Variants in PRR12 observed in about 807,000 individuals in gnomAD.
PRR12 encodes the protein proline-rich protein 12.
A neutral mutation model predicts 138.0 loss-of-function variants in PRR12; 12 were observed. The observed-to-expected ratio is 0.09, with a 90% CI of 0.06 to 0.14. The LOEUF (loss-of-function observed/expected upper bound fraction) is 0.14. Among genes scored for constraint, PRR12 ranks in the 10% least tolerant of loss-of-function variants. PRR12 has a pLI of 1.00. For missense variants in PRR12, 2,692 were observed against 2,861.3 expected (o/e 0.94, Z 1.35); for synonymous variants, 1,567 against 1,291.7 (o/e 1.21, Z -4.57).
chr19:49,599,931 C>G lies in PRR12; in HGVS notation c.4338C>G (p.Gly1446=), dbSNP rs779696086. ...LPGLPSANSN[G]TPEPPLLEEK... ...GGCTCCCCAGTGCCAACAGCAATGG[C>G]ACTCCCGGTGAGCTCTGGGCAGGTG... is the stretch of plus-strand genomic sequence containing the variant. Residue 1446 remains glycine (G), a synonymous_variant, in exon 5 of 14, where the codon GGC becomes GGG. Transcript: ENST00000418929. The surrounding 1 kb of genome is among the most constrained non-coding windows in gnomAD (Gnocchi z 5.0). 7 of 1,600,930 alleles carry G rather than the reference C, an allele frequency of 4.4e-6. No individual in the cohort carries two copies. In the African/African-American group the frequency reaches 6.7e-5, roughly 15 times the overall value.
In PRR12 at chr19:49,595,948, C is replaced by G; in HGVS notation, c.1613C>G (p.Ser538Cys). Residue 538 changes from serine (S) to cysteine (C), a missense_variant, in exon 4 of 14, where the codon TCC (serine) becomes TGC (cysteine). Around this residue, in one of 11 missense-constraint regions of PRR12, gnomAD observed 523 missense variants for 496.4 expected, o/e 1.05. Transcript: ENST00000418929. ...SPSLSYSTGH[S>C]PALSGHGGGW... ...TCGCTCAGCTACAGTACCGGCCATT[C>G]CCCAGCGCTCTCGGGCCATGGGGGT... 6.2e-7 allele frequency: 1 copy of G among 1,600,988 alleles called. No homozygotes were observed.
chr19:49,609,461 C>T (rs1202263139), intron 6 of PRR12, among the ~76,000 whole-genome samples: 1 of 151,968 alleles, frequency 6.6e-6, no homozygotes, highest in African/African-American at 2.4e-5. Flanking sequence ...ATTAGCCGGA[C>T]ATGGTGGCGG....
At chr19:49,618,528 TAG>T (rs1179634253) in intron 9 of PRR12, among the ~76,000 whole-genome samples, 1 of 151,984 alleles carries the variant, frequency 6.6e-6, no homozygotes. Flanking sequence ...GCTGGGACTA[TAG>T]ATGTGTGCCA....
In PRR12 at chr19:49,596,144, G is replaced by A. The variant is rs113425094; in HGVS notation, c.1809G>A (p.Pro603=). 1,602 of 1,606,564 alleles carry A rather than the reference G, an allele frequency of 1.0e-3. 17 individuals are homozygous for A. The African/African-American group carries it at 0.019, about 19-fold the overall frequency. Residue 603 remains proline, a synonymous_variant, in exon 4 of 14, where the codon CCG becomes CCA. Coordinates refer to ENST00000418929, the MANE Select transcript of PRR12 (RefSeq NM_020719.3). The surrounding 1 kb of genome is among the most constrained non-coding windows in gnomAD (Gnocchi z 5.6). ...VLASAPFLAP[P]GAGSYAAGAG... is the part of the protein sequence containing the mutation. ...CCTCAGCGCCTTTCCTGGCACCTCC[G>A]GGAGCTGGCAGCTATGCAGCCGGAG...
At position 49,615,479 on chromosome 19, in the gene PRR12, C is replaced by T. The variant is rs141195598; in HGVS notation, c.5025-268C>T. The stretch of plus-strand genomic sequence containing the variant: ...CCCAGAGAGGGAGGGGAATAGAGAC[C>T]CAGAGAGGGAGGGGGTCAGAGACCC... On this transcript the variant is annotated intron_variant, in intron 8 of 13. Coordinates refer to ENST00000418929, the MANE Select transcript of PRR12 (RefSeq NM_020719.3). Among the ~76,000 whole-genome samples the T allele has an allele frequency of 2.7e-4, 39 of 145,044 alleles. No individual in the cohort carries two copies. The East Asian group carries it at 7.9e-3, about 30-fold the overall frequency.
At position 49,597,700 on chromosome 19, in the gene PRR12, C is replaced by G. The variant is rs775645359; in HGVS notation, c.3365C>G (p.Pro1122Arg). 3 of 1,606,470 alleles carry G rather than the reference C, an allele frequency of 1.9e-6. No homozygotes were observed. The highest frequency in any genetic ancestry group is 2.5e-6 in the Non-Finnish European group (3 of 1,177,722). ...ATCCGCCTCAACCCCCGGCGCTTGC[C>G]TGACCTGGTCTCCAGCTGCCGCTCC... ...ADIRLNPRRLPDLVSSCRSRP... is the reference protein window; with the variant it reads ...ADIRLNPRRLRDLVSSCRSRP... The change falls in exon 4 of 14, where the codon CCT becomes CGT. Residue 1122 changes from proline to arginine, a missense_variant. Coordinates refer to ENST00000418929, the MANE Select transcript of PRR12 (RefSeq NM_020719.3). The surrounding 1 kb of genome is among the most constrained non-coding windows in gnomAD (Gnocchi z 6.3).
At position 49,614,710 on chromosome 19, in the gene PRR12, G is replaced by A. The variant is rs1433559464; in HGVS notation, c.4890+61G>A. On this transcript the variant is annotated intron_variant, in intron 7 of 13. Coordinates refer to ENST00000418929, the MANE Select transcript of PRR12 (RefSeq NM_020719.3). This position sits in a 1 kb window ranked among gnomAD's most constrained non-coding sequence, Gnocchi z 5.0. The stretch of plus-strand genomic sequence containing the variant: ...CCGGGGCGTGGTATCTAGGAGCTGG[G>A]GTTCCCCTTAGTGTGGCTGTGACTC... 6.7e-7 allele frequency: 1 copy of A among 1,497,718 alleles called. No individual in the cohort carries two copies. Among genetic ancestry groups the A allele is most frequent in the Non-Finnish European group, 9.1e-7 (1 of 1,102,636 alleles). The allele number at this position is 1,497,718 out of a possible 1,614,324, so 92.8% of individuals were successfully genotyped here. A position where few individuals can be genotyped will look rare whatever the true frequency, so the allele number is the denominator to read the frequency against.
intron 6 of PRR12, among the ~76,000 whole-genome samples, chr19:49,608,051 T>A (rs185743093): frequency 2.6e-3 from 395 of 152,268 alleles, no homozygotes; most frequent in African/African-American, 9.0e-3. Flanking sequence ...GTTAATGATG[T>A]TTTAATATTA....
intron 11 of PRR12, among the ~76,000 whole-genome samples, chr19:49,624,531 T>C (rs191223459): frequency 9.8e-4 from 146 of 149,480 alleles, no homozygotes; most frequent in African/African-American, 3.4e-3. Flanking sequence ...CTGGGATAGA[T>C]GGTTAGGATG....
chr19:49,604,986 G>T (rs1433259985), intron 6 of PRR12, among the ~76,000 whole-genome samples: 1 of 152,074 alleles, frequency 6.6e-6, no homozygotes, highest in South Asian at 2.1e-4. Flanking sequence ...CGAGTAGCTG[G>T]GACTACAGAG....
In PRR12 at chr19:49,596,296, G is replaced by A. The variant is rs761195066; in HGVS notation, c.1961G>A (p.Arg654Gln). ...QHLLQAPSPP[R>Q]TSGADGLVGE... ...CTCTTGCAGGCGCCCAGCCCTCCTC[G>A]GACCTCAGGGGCGGACGGCTTGGTG... Residue 654 changes from arginine (R) to glutamine (Q), a missense_variant, in exon 4 of 14, where the codon CGG becomes CAG. Arg to Gln is a conservative substitution (Grantham distance 43). Coordinates refer to ENST00000418929, the MANE Select transcript of PRR12 (RefSeq NM_020719.3). The surrounding 1 kb of genome is among the most constrained non-coding windows in gnomAD (Gnocchi z 5.6). 3.5e-5 allele frequency: 57 copies of A among 1,611,248 alleles called. No individual in the cohort carries two copies. The Admixed American group carries it at 6.7e-4, about 19-fold the overall frequency.
intron 1 of PRR12, 114 bp from the exon 2 acceptor site, chr19:49,593,213 A>G: frequency 2.2e-6 from 1 of 450,814 alleles, no homozygotes; most frequent in Non-Finnish European, 4.0e-6. Context: ...TTAGCTTAAC[A>G]CCCCCCACCC....
At chr19:49,612,583 G>A (rs1295759821) in intron 6 of PRR12, among the ~76,000 whole-genome samples, 3 of 152,088 alleles carry the variant, frequency 2.0e-5, no homozygotes, top group Non-Finnish European at 4.4e-5. Flanking sequence ...TTCCTGAGAG[G>A]TCACCAACAC....
At chr19:49,604,936 C>A (rs967842773) in intron 6 of PRR12, among the ~76,000 whole-genome samples, 1 of 152,062 alleles carries the variant, frequency 6.6e-6, no homozygotes, top group Non-Finnish European at 1.5e-5. Context: ...ACTGCAACTT[C>A]TACCTCCCTG....
chr19:49,625,428 C>T lies in PRR12; in HGVS notation c.5965-33C>T. The T allele has an allele frequency of 6.4e-7, 1 of 1,563,206 alleles. No individual in the cohort carries two copies. The highest frequency in any genetic ancestry group is 8.6e-7 in the Non-Finnish European group (1 of 1,158,562). On this transcript the variant is annotated intron_variant, in intron 13 of 13. Coordinates refer to ENST00000418929, the MANE Select transcript of PRR12 (RefSeq NM_020719.3). This position sits in a 1 kb window ranked among gnomAD's most constrained non-coding sequence, Gnocchi z 5.5. Reference sequence around the variant, plus strand: ...CTTCCCTCCCCAGAGGCCGGTGTGCCACCCTCCCCAGTGCCATGTTTGACC... The same window carrying T: ...CTTCCCTCCCCAGAGGCCGGTGTGCTACCCTCCCCAGTGCCATGTTTGACC...
rs911303699 is a variant in PRR12, at chr19:49,625,886, C to T, written c.*279C>T. 2 of 264,436 alleles carry T rather than the reference C, an allele frequency of 7.6e-6. No homozygotes were observed. The highest frequency in any genetic ancestry group is 5.3e-5 in the Admixed American group (1 of 18,710). The allele number at this position is 264,436 out of a possible 1,614,324, so 16.4% of individuals were successfully genotyped here. A position where few individuals can be genotyped will look rare whatever the true frequency, so the allele number is the denominator to read the frequency against. On this transcript the variant is annotated 3_prime_UTR_variant, in exon 14 of 14. Transcript: ENST00000418929. This position sits in a 1 kb window ranked among gnomAD's most constrained non-coding sequence, Gnocchi z 5.5. ...TATTTAGTAACGGTTTCCCTCTCCCCTTGCCCCGACCCCCCCTCCACAGCC... is the reference window on the plus strand; with the variant it reads ...TATTTAGTAACGGTTTCCCTCTCCCTTTGCCCCGACCCCCCCTCCACAGCC...
rs1460243361 is a variant in PRR12, at chr19:49,597,542, A to G, written c.3207A>G (p.Pro1069=). The G allele has an allele frequency of 6.3e-7, 1 of 1,578,212 alleles. No homozygotes were observed. Among genetic ancestry groups the G allele is most frequent in the Non-Finnish European group, 8.6e-7 (1 of 1,164,420 alleles). ...CGCCCATCTTCTGCTCTACCAAGCC[A>G]AAGAAGCTGCTCAAGACATCCTCCT... The part of the protein sequence containing the change: ...LTSPIFCSTK[P]KKLLKTSSFH... The change falls in exon 4 of 14, where the codon CCA becomes CCG. Residue 1069 remains proline (P), a synonymous_variant. Transcript: ENST00000418929. This position sits in a 1 kb window ranked among gnomAD's most constrained non-coding sequence, Gnocchi z 6.3.
rs1016076753 is a variant in PRR12, at chr19:49,596,504, G to T, written c.2169G>T (p.Gly723=). The change falls in exon 4 of 14, where the codon GGG becomes GGT. Residue 723 remains glycine, a synonymous_variant. Transcript: ENST00000418929. The surrounding 1 kb of genome is among the most constrained non-coding windows in gnomAD (Gnocchi z 5.6). The part of the protein sequence containing the change: ...GATAALELGL[G]RLKEKKKGPE... ...CTGCGGCACTGGAGCTGGGCCTGGG[G>T]AGGCTGAAGGAGAAGAAGAAAGGGC... 1 of 1,609,826 alleles carries T rather than the reference G, an allele frequency of 6.2e-7. No individual in the cohort carries two copies. Among genetic ancestry groups the T allele is most frequent in the Non-Finnish European group, 8.5e-7 (1 of 1,178,852 alleles).
At chr19:49,619,224 GTTTTTTTT>G (rs34027784) in intron 9 of PRR12, among the ~76,000 whole-genome samples, 1 of 79,768 alleles carries the variant, frequency 1.3e-5, no homozygotes, top group African/African-American at 5.4e-5. Flanking sequence ...CCTCCTGTGA[GTTTTTTTT>G]TTTTTTTTTT....
Sources: gnomAD v4.1 joint callset for allele counts (sites outside exome capture counted in the v4.1 genomes callset) on GRCh38, gnomAD v4.1.1 for gene constraint, gnomAD v4.1.1 regional missense constraint, Gnocchi (gnomAD v3.1) non-coding constraint, MANE v1.5 for transcripts, NCBI Gene and HGNC (gene_info 2026-07-23, HGNC 2026-07-21) for gene names.